The following CFAP47 variants were observed in gnomAD, a reference collection of about 807,000 sequenced individuals.
CFAP47 encodes cilia and flagella associated protein 47, also known as cilia- and flagella-associated protein 47.
In CFAP47, 29 loss-of-function variants were observed where a neutral mutation model predicts 148.1. The observed-to-expected ratio is 0.20, with a 90% CI of 0.15 to 0.27. The LOEUF is 0.27. CFAP47 is among the 10% of genes least tolerant of loss of function. CFAP47 has a pLI of 1.00. For missense variants in CFAP47, 1,872 were observed against 1,697.5 expected (o/e 1.10, Z -1.81); for synonymous variants, 664 against 577.3 (o/e 1.15, Z -2.15).
intron 57 of CFAP47, among the ~76,000 whole-genome samples, chrX:36,335,491 A>AAATAATGT (rs1366189942): frequency 9.0e-6 from 1 of 111,731 alleles, no homozygotes; most frequent in Non-Finnish European, 1.9e-5. Context: ...ATCACCTTAT[A>AAATAATGT]AATAATGTTA....
Position 36,384,841 on chromosome X carries a change from A to T in CFAP47, c.9399A>T (p.Pro3133=). The stretch of plus-strand genomic sequence containing the variant: ...AGTATGAGATCAATGGATTAACTCC[A>T]ACTACCGTGCCACCAAAAAATGCAA... ...YWKYEINGLT[P]TTVPPKNAKA... The change falls in exon 64 of 64, where the codon CCA becomes CCT. Residue 3133 remains proline (P), a synonymous_variant. Transcript: ENST00000378653. 8.6e-7 allele frequency: 1 copy of T among 1,167,009 alleles called. No individual in the cohort carries two copies. The highest frequency in any genetic ancestry group is 3.3e-5 in the East Asian group (1 of 30,764).
In CFAP47 at chrX:36,303,941, A is replaced by T. The variant is rs1328816286; in HGVS notation, c.8063A>T (p.Asp2688Val). 1 of 1,079,060 alleles carries T rather than the reference A, an allele frequency of 9.3e-7. No individual in the cohort carries two copies. Among genetic ancestry groups the T allele is most frequent in the African/African-American group, 1.9e-5 (1 of 53,422 alleles). The allele number at this position is 1,079,060 out of a possible 1,213,427, so 88.9% of individuals were successfully genotyped here. The change falls in exon 54 of 64, where the codon GAT becomes GTT. Residue 2688 changes from aspartate (D) to valine (V), a missense_variant. Physicochemically the swap from Asp to Val is radical, Grantham distance 152. Transcript: ENST00000378653. ...AGTAATCCTGAAAATTTTGTCCTGG[A>T]TATTAACAGAAAATCACAAGTAAGT... ...TNSNPENFVL[D>V]INRKSQLIIS...
intron 27 of CFAP47, among the ~76,000 whole-genome samples, chrX:36,067,118 C>T (rs1289079127): frequency 1.8e-5 from 2 of 110,895 alleles, no homozygotes; most frequent in African/African-American, 6.6e-5. Flanking sequence ...TCATAGATTC[C>T]TCCCTCTTCC....
intron 8 of CFAP47, among the ~76,000 whole-genome samples, chrX:35,957,241 T>TGTGA (rs1421812127): frequency 9.3e-6 from 1 of 107,550 alleles, no homozygotes; most frequent in Non-Finnish European, 1.9e-5. Context: ...CTTAAGTGGT[T>TGTGA]GTGAGAAAAC....
chrX:36,085,010 T>C (rs7058524), intron 29 of CFAP47, among the ~76,000 whole-genome samples: 17,994 of 110,723 alleles, frequency 0.16, 1,568 homozygotes, highest in African/African-American at 0.3. Context: ...TAGTAGGTGA[T>C]GGGTTTAAAT....
At chrX:36,255,964 G>A (rs1465043255) in intron 49 of CFAP47, among the ~76,000 whole-genome samples, 1 of 111,778 alleles carries the variant, frequency 8.9e-6, no homozygotes, top group Non-Finnish European at 1.9e-5. Flanking sequence ...ACAAATCCAA[G>A]CAAAAATCAC....
chrX:36,158,336 G>A (rs778085862), intron 37 of CFAP47, among the ~76,000 whole-genome samples: 21 of 112,194 alleles, frequency 1.9e-4, no homozygotes, highest in Admixed American at 3.8e-4. Flanking sequence ...CACCTACAGC[G>A]GTATCAAGGC....
chrX:36,099,901 G>T (rs759615255), intron 32 of CFAP47, 22 bp downstream of exon 32: 16 of 832,659 alleles, frequency 1.9e-5, no homozygotes, highest in Non-Finnish European at 2.5e-5. Flanking sequence ...ATTATTGTTC[G>T]CTGCTTCTCT....
At chrX:36,370,408 C>T (rs988439092) in intron 62 of CFAP47, among the ~76,000 whole-genome samples, 6 of 110,066 alleles carry the variant, frequency 5.5e-5, no homozygotes, top group Non-Finnish European at 1.1e-4. Context: ...TCATCCATGT[C>T]CCTGCAAAGG....
At chrX:36,161,354 A>G (rs1204235857) in intron 39 of CFAP47, among the ~76,000 whole-genome samples, 1 of 111,702 alleles carries the variant, frequency 9.0e-6, no homozygotes, top group East Asian at 2.8e-4. Context: ...AAAAATATGT[A>G]TAATTAATAG....
intron 21 of CFAP47, among the ~76,000 whole-genome samples, chrX:36,002,520 T>G (rs1936927724): frequency 9.0e-6 from 1 of 110,563 alleles, no homozygotes; most frequent in South Asian, 3.8e-4. Flanking sequence ...AGGCAGAGGT[T>G]GCAATGAGCC....
chrX:36,009,267 T>C (rs1427850825), intron 21 of CFAP47, among the ~76,000 whole-genome samples: 1 of 110,321 alleles, frequency 9.1e-6, no homozygotes, highest in African/African-American at 3.3e-5. Flanking sequence ...AAAAATAAAA[T>C]AATAGCCTAA....
chrX:35,985,619 G>C (rs1936703786), intron 15 of CFAP47, among the ~76,000 whole-genome samples: 1 of 111,256 alleles, frequency 9.0e-6, no homozygotes, highest in Admixed American at 9.5e-5. Context: ...ACCCTGGTTG[G>C]GCATCCAAGG....
chrX:36,334,255 C>A (rs1343258934), intron 57 of CFAP47, among the ~76,000 whole-genome samples: 1 of 111,031 alleles, frequency 9.0e-6, no homozygotes, highest in Non-Finnish European at 1.9e-5. Flanking sequence ...CCAAAAGCTT[C>A]CACAATCTCA....
chrX:36,296,505 A>C (rs782090150), intron 51 of CFAP47, among the ~76,000 whole-genome samples: 1 of 112,434 alleles, frequency 8.9e-6, no homozygotes, highest in Non-Finnish European at 1.9e-5. Context: ...AAAATATTAC[A>C]TGTGGTAAAT....
At chrX:35,971,844 T>C (rs1936497441) in intron 12 of CFAP47, 25 bp from the exon 13 acceptor site, 1 of 1,185,430 alleles carries the variant, frequency 8.4e-7, no homozygotes, top group South Asian at 1.8e-5. Context: ...AATGAATAAT[T>C]CTGGAAAAAT....
Position 36,299,076 on chromosome X carries a change from A to G in CFAP47, c.7786A>G (p.Ile2596Val). 8.7e-7 allele frequency: 1 copy of G among 1,143,974 alleles called. No homozygotes were observed. The highest frequency in any genetic ancestry group is 2.0e-5 in the South Asian group (1 of 50,637). 94.3% of individuals were successfully genotyped at this position (1,143,974 alleles called of 1,213,427 possible). Residue 2596 changes from isoleucine to valine, a missense_variant, in exon 52 of 64, where the codon ATT becomes GTT. By Grantham distance (29) the Ile-to-Val change is conservative. Transcript: ENST00000378653. ...TSAALNGDNE[I>V]ILSPLQCTKY... Reference sequence around the variant, plus strand: ...TGCTGCCCTTAATGGGGATAATGAAATTATCCTGAGTCCACTACAGTGCAC... The same window carrying G: ...TGCTGCCCTTAATGGGGATAATGAAGTTATCCTGAGTCCACTACAGTGCAC...
intron 39 of CFAP47, among the ~76,000 whole-genome samples, chrX:36,167,196 AT>A (rs2146854357): frequency 9.1e-6 from 1 of 110,200 alleles, no homozygotes; most frequent in Non-Finnish European, 1.9e-5. Flanking sequence ...AACTGGCACT[AT>A]TTCTGAGAAA....
chrX:35,970,130 T>C (rs1307993755), intron 10 of CFAP47, among the ~76,000 whole-genome samples: 1 of 103,555 alleles, frequency 9.7e-6, no homozygotes, highest in Non-Finnish European at 2.0e-5. Context: ...TTGCTGAAGA[T>C]TGAGGTAGAC....
Sources: gnomAD v4.1 joint callset for allele counts (sites outside exome capture counted in the v4.1 genomes callset) on GRCh38, gnomAD v4.1.1 for gene constraint, MANE v1.5 for transcripts, NCBI Gene and HGNC (gene_info 2026-07-23, HGNC 2026-07-21) for gene names.